The following ZNF385D variants were observed in gnomAD, a reference collection of about 807,000 sequenced individuals.
ZNF385D encodes the protein zinc finger protein 659.
A neutral mutation model predicts 35.8 loss-of-function variants in ZNF385D; 15 were observed. The observed-to-expected ratio is 0.42, with a 90% CI of 0.28 to 0.64. The LOEUF (loss-of-function observed/expected upper bound fraction) is 0.64, where lower values mean the gene tolerates loss of function less well. Among genes scored for constraint, ZNF385D ranks in the 30% least tolerant of loss-of-function variants. ZNF385D has a pLI of 0.23. For missense variants in ZNF385D, 474 were observed against 494.6 expected (o/e 0.96, Z 0.39); for synonymous variants, 212 against 186.8 (o/e 1.13, Z -1.10).
chr3:22,094,514 GT>G (rs1309098954), intron 3 of ZNF385D, among the ~76,000 whole-genome samples: 1 of 150,394 alleles, frequency 6.6e-6, no homozygotes, highest in Non-Finnish European at 1.5e-5. Flanking sequence ...GAAAAGAAAG[GT>G]GGCAATCAGA....
intron 3 of ZNF385D, among the ~76,000 whole-genome samples, chr3:21,771,721 G>C (rs1291834696): frequency 6.6e-6 from 1 of 151,800 alleles, no homozygotes; most frequent in African/African-American, 2.4e-5. Flanking sequence ...CATCAAGATG[G>C]GGGAGGGAGG....
chr3:22,336,909 CAAA>C (rs59822476), intron 2 of ZNF385D, among the ~76,000 whole-genome samples: 678 of 47,904 alleles, frequency 0.014, 4 homozygotes, highest in African/African-American at 0.037. Context: ...AGTGATTTTT[CAAA>C]AAAAAAAAAA....
At chr3:22,298,350 G>A (rs1308903858) in intron 2 of ZNF385D, among the ~76,000 whole-genome samples, 2 of 138,028 alleles carry the variant, frequency 1.4e-5, no homozygotes, top group Admixed American at 7.4e-5. Flanking sequence ...CAGCAAAGGA[G>A]GAGAAGAGGA....
At chr3:21,733,211 T>C (rs745922743) in intron 1 of ZNF385D, among the ~76,000 whole-genome samples, 2 of 152,190 alleles carry the variant, frequency 1.3e-5, no homozygotes, top group Non-Finnish European at 2.9e-5. Context: ...CATCAGTCTA[T>C]TTCTGAACTT....
At chr3:21,966,312 G>T (rs1172032389) in intron 3 of ZNF385D, among the ~76,000 whole-genome samples, 1 of 152,142 alleles carries the variant, frequency 6.6e-6, no homozygotes, top group Admixed American at 6.5e-5. Flanking sequence ...TGAACTGGTA[G>T]TAAATTTTAA....
At chr3:22,351,062 A>C (rs1160746377) in intron 2 of ZNF385D, among the ~76,000 whole-genome samples, 1 of 152,134 alleles carries the variant, frequency 6.6e-6, no homozygotes, top group Non-Finnish European at 1.5e-5. Flanking sequence ...ATGTCAGTAA[A>C]GGACAATTCA....
At chr3:21,992,774 C>G (rs370057728) in intron 3 of ZNF385D, among the ~76,000 whole-genome samples, 1 of 152,104 alleles carries the variant, frequency 6.6e-6, no homozygotes, top group East Asian at 1.9e-4. Flanking sequence ...TTGATTTACT[C>G]TCTTCTGTCT....
At chr3:21,820,202 T>C (rs1205198431) in intron 3 of ZNF385D, among the ~76,000 whole-genome samples, 2 of 151,860 alleles carry the variant, frequency 1.3e-5, no homozygotes, top group African/African-American at 4.8e-5. Flanking sequence ...TACAGATTGA[T>C]ATTTATTCTA....
intron 2 of ZNF385D, among the ~76,000 whole-genome samples, chr3:22,330,566 C>A (rs540294463): frequency 1.8e-4 from 28 of 152,220 alleles, no homozygotes; most frequent in African/African-American, 6.7e-4. Flanking sequence ...TCAGGGCCCC[C>A]GTCTGCTGTG....
At chr3:21,905,196 CA>C (rs1245001398) in intron 3 of ZNF385D, among the ~76,000 whole-genome samples, 35 of 7,670 alleles carry the variant, frequency 4.6e-3, no homozygotes, top group African/African-American at 0.018. Flanking sequence ...GGTCCAGTAA[CA>C]AAAAATCCAA....
intron 2 of ZNF385D, among the ~76,000 whole-genome samples, chr3:21,608,959 T>A (rs1249463437): frequency 6.6e-6 from 1 of 152,202 alleles, no homozygotes; most frequent in Non-Finnish European, 1.5e-5. Flanking sequence ...ATGTTGTCAA[T>A]AATAAGTCAG....
At chr3:22,217,089 TA>T (rs1559458867) in intron 2 of ZNF385D, among the ~76,000 whole-genome samples, 10 of 152,052 alleles carry the variant, frequency 6.6e-5, no homozygotes, top group African/African-American at 2.4e-4. Context: ...AACCTATAGG[TA>T]AAAGAGAACC....
intron 3 of ZNF385D, among the ~76,000 whole-genome samples, chr3:21,825,820 T>C (rs1046190370): frequency 1.3e-5 from 2 of 152,190 alleles, no homozygotes; most frequent in African/African-American, 4.8e-5. Flanking sequence ...CCCTCGCTTG[T>C]TAGGAACCAG....
intron 3 of ZNF385D, among the ~76,000 whole-genome samples, chr3:21,965,376 A>C (rs367632496): frequency 7.2e-5 from 11 of 152,330 alleles, no homozygotes; most frequent in Admixed American, 5.9e-4. Flanking sequence ...ATGGGGAAAC[A>C]CAAATGAGCA....
intron 1 of ZNF385D, among the ~76,000 whole-genome samples, chr3:21,716,115 A>C (rs773103227): frequency 1.2e-4 from 18 of 152,092 alleles, no homozygotes; most frequent in Non-Finnish European, 2.5e-4. Context: ...TACTTCCCAA[A>C]GTACACATTT....
chr3:21,923,141 G>C (rs145620915), intron 3 of ZNF385D, among the ~76,000 whole-genome samples: 6 of 151,966 alleles, frequency 3.9e-5, no homozygotes, highest in African/African-American at 1.4e-4. Flanking sequence ...CCATTAACTC[G>C]TGATTTACAT....
chr3:22,168,689 T>A (rs115201834), intron 3 of ZNF385D: 5 of 499,428 alleles, frequency 1.0e-5, no homozygotes, highest in Non-Finnish European at 1.3e-5. Flanking sequence ...ACTCTGCTGA[T>A]AAAAATTTTA....
At chr3:22,076,621 A>G (rs1018103016) in intron 3 of ZNF385D, among the ~76,000 whole-genome samples, 2 of 151,928 alleles carry the variant, frequency 1.3e-5, no homozygotes, top group Non-Finnish European at 2.9e-5. Flanking sequence ...CTATAAGCAC[A>G]AGGACACGTC....
chr3:21,498,689 C>A (rs1385506977), intron 4 of ZNF385D, among the ~76,000 whole-genome samples: 4 of 151,884 alleles, frequency 2.6e-5, no homozygotes, highest in South Asian at 2.1e-4. Context: ...CTATTAATAA[C>A]AAGTCACACT....
Sources: gnomAD v4.1 joint callset for allele counts (sites outside exome capture counted in the v4.1 genomes callset) on GRCh38, gnomAD v4.1.1 for gene constraint, MANE v1.5 for transcripts, NCBI Gene and HGNC (gene_info 2026-07-23, HGNC 2026-07-21) for gene names.